PBX2: variants seen among roughly 807,000 people sequenced by gnomAD.
PBX2 encodes PBX homeobox 2, also known as pre-B-cell leukemia transcription factor 2.
In PBX2, 10 loss-of-function variants were observed where a neutral mutation model predicts 46.5. That is an observed-to-expected ratio of 0.21 (90% CI 0.13 to 0.36). The LOEUF is 0.36. PBX2 is among the 10% of genes least tolerant of loss of function. PBX2 has a pLI of 1.00. For synonymous variants in PBX2, 160 were observed against 222.5 expected (o/e 0.72, Z 2.50); for missense variants, 392 against 580.5 (o/e 0.68, Z 3.34).
rs371557584 is a variant in PBX2 at position 32,187,472 on chromosome 6, ATT to A, written c.871-79_871-78del. The A allele has an allele frequency of 0.012, 15,496 of 1,288,742 alleles. No individual in the cohort carries two copies. Among genetic ancestry groups the A allele is most frequent in the South Asian group, 0.014 (965 of 68,406 alleles). The allele number at this position is 1,288,742 out of a possible 1,614,324, so 79.8% of individuals were successfully genotyped here. ...CACTGAATAAGATGTGAGTGACAGC[ATT>A]TTTTTTTTTTTTGCTTCCTGGTCTC... On this transcript the variant is annotated intron_variant, in intron 5 of 8. Coordinates refer to ENST00000375050, the MANE Select transcript of PBX2 (RefSeq NM_002586.5). The surrounding 1 kb of genome is among the most constrained non-coding windows in gnomAD (Gnocchi z 7.7).
Position 32,188,295 on chromosome 6 carries a change from G to C in PBX2, c.505C>G (p.Arg169Gly). Residue 169 changes from arginine (R) to glycine (G), a missense_variant, in exon 3 of 9, where the codon CGT becomes GGT. By Grantham distance (125) the Arg-to-Gly change is moderately radical. Around this residue, in one of 3 missense-constraint regions of PBX2, gnomAD observed 196 missense variants for 246.9 expected, o/e 0.79. Coordinates refer to ENST00000375050, the MANE Select transcript of PBX2 (RefSeq NM_002586.5). The surrounding 1 kb of genome is among the most constrained non-coding windows in gnomAD (Gnocchi z 6.5). ...TCCAGCTCCGAGTGGTATATGTGACGGATCTGGGCAAGTTTGCTGCGATAG... is the reference window on the plus strand; with the variant it reads ...TCCAGCTCCGAGTGGTATATGTGACCGATCTGGGCAAGTTTGCTGCGATAG... ...SDYRSKLAQI[R>G]HIYHSELEKY... is the part of the protein sequence containing the mutation. 6.2e-7 allele frequency: 1 copy of C among 1,613,994 alleles called. No individual in the cohort carries two copies. The highest frequency in any genetic ancestry group is 1.1e-5 in the South Asian group (1 of 91,076).
Position 32,188,932 on chromosome 6 carries a change from G to A in PBX2, c.222-136C>T. The A allele has an allele frequency of 1.4e-6, 1 of 708,562 alleles. No homozygotes were observed. 43.9% of individuals were successfully genotyped at this position (708,562 alleles called of 1,614,324 possible). A position where few individuals can be genotyped will look rare whatever the true frequency, so the allele number is the denominator to read the frequency against. Reference sequence around the variant, plus strand: ...ATTGGGGGTGGAATGAGTTGGGGGTGGAATGAGGAGTTCTTGGGAAAAGAT... The same window carrying A: ...ATTGGGGGTGGAATGAGTTGGGGGTAGAATGAGGAGTTCTTGGGAAAAGAT... On this transcript the variant is annotated intron_variant, in intron 1 of 8. Coordinates refer to ENST00000375050, the MANE Select transcript of PBX2 (RefSeq NM_002586.5). The surrounding 1 kb of genome is among the most constrained non-coding windows in gnomAD (Gnocchi z 6.5).
At position 32,189,668 on chromosome 6, in the gene PBX2, G is replaced by GTGTTTGC; in HGVS notation, c.221+26_221+27insGCAAACA. The GTGTTTGC allele has an allele frequency of 6.4e-7, 1 of 1,560,170 alleles. No individual in the cohort carries two copies. Among genetic ancestry groups the GTGTTTGC allele is most frequent in the Non-Finnish European group, 8.8e-7 (1 of 1,135,512 alleles). On this transcript the variant is annotated intron_variant, in intron 1 of 8. Coordinates refer to ENST00000375050, the MANE Select transcript of PBX2 (RefSeq NM_002586.5). The surrounding 1 kb of genome is among the most constrained non-coding windows in gnomAD (Gnocchi z 4.7). ...TGTGAACGGGGTTTGCTGGGTCTGTGTGGGGTCCCGGAGTGGGGGCACTCA... is the reference window on the plus strand; with the variant it reads ...TGTGAACGGGGTTTGCTGGGTCTGTGTGTTTGCTGGGGTCCCGGAGTGGGGGCACTCA...
Position 32,186,599 on chromosome 6 carries a change from C to T in PBX2, c.1200+5G>A. 6.2e-7 allele frequency: 1 copy of T among 1,606,988 alleles called. No homozygotes were observed. Among genetic ancestry groups the T allele is most frequent in the East Asian group, 2.2e-5 (1 of 44,860 alleles). On this transcript the variant is annotated splice_donor_5th_base_variant and intron_variant, in intron 8 of 8. Transcript: ENST00000375050. The surrounding 1 kb of genome is among the most constrained non-coding windows in gnomAD (Gnocchi z 4.2). ...GGACAGAGAGGAGCTTCAGGATCCA[C>T]TCACCCTCATTTCCCGTGGGCTGTA...
In PBX2 at chr6:32,189,792, C is replaced by G; in HGVS notation, c.124G>C (p.Gly42Arg). Residue 42 changes from glycine (G) to arginine (R), a missense_variant, in exon 1 of 9, where the codon GGG (glycine) becomes CGG (arginine). By Grantham distance (125) the Gly-to-Arg change is moderately radical (BLOSUM62 -2). Around this residue, in one of 3 missense-constraint regions of PBX2, gnomAD observed 196 missense variants for 246.9 expected, o/e 0.79. Coordinates refer to ENST00000375050, the MANE Select transcript of PBX2 (RefSeq NM_002586.5). This position sits in a 1 kb window ranked among gnomAD's most constrained non-coding sequence, Gnocchi z 4.7. ...PGGGDPGGGS[G>R]GVPGGRGKQD... The stretch of plus-strand genomic sequence containing the variant: ...TTCCCTCGGCCTCCCGGGACCCCCC[C>G]GCTACCCCCACCGGGGTCTCCGCCA... 3 of 1,601,608 alleles carry G rather than the reference C, an allele frequency of 1.9e-6. No individual in the cohort carries two copies. Among genetic ancestry groups the G allele is most frequent in the Non-Finnish European group, 1.7e-6 (2 of 1,174,308 alleles).
chr6:32,187,406 G>A lies in PBX2; in HGVS notation c.871-11C>T, dbSNP rs116295847. On this transcript the variant is annotated splice_polypyrimidine_tract_variant and intron_variant, in intron 5 of 8. Transcript: ENST00000375050. This position sits in a 1 kb window ranked among gnomAD's most constrained non-coding sequence, Gnocchi z 7.7. ...AAACCAGTTGGAGACCTGTGGGGCA[G>A]AAAGGAGGGTCAGGTAGAAACATTT... The A allele has an allele frequency of 9.9e-6, 16 of 1,612,192 alleles. No individual in the cohort carries two copies. In the Admixed American group the frequency reaches 1.8e-4, roughly 18 times the overall value.
Position 32,185,598 on chromosome 6 carries a change from T to G in PBX2, c.*784A>C, listed in dbSNP as rs1387089143. 6.9e-6 allele frequency: 1 copy of G among 144,032 alleles called. No homozygotes were observed. The highest frequency in any genetic ancestry group is 2.6e-5 in the African/African-American group (1 of 38,362). The allele number at this position is 144,032 out of a possible 1,614,324, so 8.9% of individuals were successfully genotyped here. On this transcript the variant is annotated 3_prime_UTR_variant, in exon 9 of 9. Transcript: ENST00000375050. ...AACAAGCTACTTCCCCAAACTAAAT[T>G]AAAAATTAAGAACCACCACCACCAC...
chr6:32,187,528 A>G lies in PBX2; in HGVS notation c.870+119T>C. The stretch of plus-strand genomic sequence containing the variant: ...ATGCTGTTGCCCAGGCTGGTCTCCA[A>G]TTCAAGTGATCCTCCCACTTCAGCC... On this transcript the variant is annotated intron_variant, in intron 5 of 8. Transcript: ENST00000375050. The surrounding 1 kb of genome is among the most constrained non-coding windows in gnomAD (Gnocchi z 7.7). 1 of 1,505,558 alleles carries G rather than the reference A, an allele frequency of 6.6e-7. No individual in the cohort carries two copies. Among genetic ancestry groups the G allele is most frequent in the Non-Finnish European group, 9.0e-7 (1 of 1,111,446 alleles). The allele number at this position is 1,505,558 out of a possible 1,614,324, so 93.3% of individuals were successfully genotyped here.
rs1215997681 is a variant in PBX2 at position 32,188,360 on chromosome 6, C to T, written c.440G>A (p.Gly147Asp). ...GGAGTTGTCAGGGGACACACCACCA[C>T]CAGAGGCTGCAGCGGCTGCAGCTGC... ...AAAAAAAAAS[G>D]GGVSPDNSIE... Residue 147 changes from glycine (G) to aspartate (D), a missense_variant, in exon 3 of 9, where the codon GGT (glycine) becomes GAT (aspartate). Coordinates refer to ENST00000375050, the MANE Select transcript of PBX2 (RefSeq NM_002586.5). This position sits in a 1 kb window ranked among gnomAD's most constrained non-coding sequence, Gnocchi z 6.5. The T allele has an allele frequency of 1.9e-6, 3 of 1,614,058 alleles. No homozygotes were observed. Among genetic ancestry groups the T allele is most frequent in the Non-Finnish European group, 2.5e-6 (3 of 1,180,050 alleles).
Position 32,187,406 on chromosome 6 carries a change from G to T in PBX2, c.871-11C>A, listed in dbSNP as rs116295847. 7.3e-3 allele frequency: 11,699 copies of T among 1,612,154 alleles called. 62 individuals are homozygous for T. The highest frequency in any genetic ancestry group is 9.1e-3 in the Non-Finnish European group (10,699 of 1,179,260). ...AAACCAGTTGGAGACCTGTGGGGCA[G>T]AAAGGAGGGTCAGGTAGAAACATTT... On this transcript the variant is annotated splice_polypyrimidine_tract_variant and intron_variant, in intron 5 of 8. Transcript: ENST00000375050. The surrounding 1 kb of genome is among the most constrained non-coding windows in gnomAD (Gnocchi z 7.7).
chr6:32,186,832 T>C lies in PBX2; in HGVS notation c.1094A>G (p.Asp365Gly). ...TCTGACCTGGGAAGCAGAATAGGAA[T>C]CTCCGTTGAGCCCAGGCATCCCCAG... ...MFLGMPGLNG[D>G]SYSASQVESL... Residue 365 changes from aspartate to glycine, a missense_variant, in exon 7 of 9, where the codon GAT becomes GGT. Asp to Gly is a moderately conservative substitution (Grantham distance 94). Transcript: ENST00000375050. The surrounding 1 kb of genome is among the most constrained non-coding windows in gnomAD (Gnocchi z 4.2). 6.2e-7 allele frequency: 1 copy of C among 1,614,062 alleles called. No homozygotes were observed. Among genetic ancestry groups the C allele is most frequent in the Non-Finnish European group, 8.5e-7 (1 of 1,179,984 alleles).
Position 32,188,364 on chromosome 6 carries a change from AGGCTGCAGC to A in PBX2, c.427_435del (p.Ala143_Ala145del), listed in dbSNP as rs751916450. The A allele has an allele frequency of 8.1e-6, 13 of 1,614,072 alleles. No individual in the cohort carries two copies. The South Asian group carries it at 8.8e-5, about 11-fold the overall frequency. ...TTGTCAGGGGACACACCACCACCAG[AGGCTGCAGC>A]GGCTGCAGCTGCTGCTGCTGAGCCG... On this transcript the variant is annotated inframe_deletion, in exon 3 of 9. Transcript: ENST00000375050. This position sits in a 1 kb window ranked among gnomAD's most constrained non-coding sequence, Gnocchi z 6.5.
In PBX2 at chr6:32,189,616, G is replaced by GC; in HGVS notation, c.221+78_221+79insG. The GC allele has an allele frequency of 9.2e-7, 1 of 1,090,782 alleles. No individual in the cohort carries two copies. The highest frequency in any genetic ancestry group is 1.3e-5 in the South Asian group (1 of 74,084). The allele number at this position is 1,090,782 out of a possible 1,614,324, so 67.6% of individuals were successfully genotyped here. A position where few individuals can be genotyped will look rare whatever the true frequency, so the allele number is the denominator to read the frequency against. On this transcript the variant is annotated intron_variant, in intron 1 of 8. Transcript: ENST00000375050. This position sits in a 1 kb window ranked among gnomAD's most constrained non-coding sequence, Gnocchi z 4.7. The stretch of plus-strand genomic sequence containing the variant: ...GATCCTGGAGAGGGCCCTGGAGTTG[G>GC]GGGGGGCTCCCAGAAGATTCAGAAC...
rs1175129300 is a variant in PBX2, at chr6:32,185,543, A to G, written c.*839T>C. 6.8e-6 allele frequency: 1 copy of G among 147,072 alleles called. No homozygotes were observed. Among genetic ancestry groups the G allele is most frequent in the Non-Finnish European group, 1.5e-5 (1 of 66,560 alleles). 9.1% of individuals were successfully genotyped at this position (147,072 alleles called of 1,614,324 possible). ...AAGTAAGAAATAAAAAAAAAAAAAG[A>G]CAAGAAATCAACATATTTATAAAAA... On this transcript the variant is annotated 3_prime_UTR_variant, in exon 9 of 9. Coordinates refer to ENST00000375050, the MANE Select transcript of PBX2 (RefSeq NM_002586.5).
rs575971693 is a variant in PBX2, at chr6:32,188,646, C to G, written c.295+77G>C. ...TGACTCCTTACTTTCCTCAGGGCCC[C>G]AAGTTGTCACACTCTAGCCCTATAA... On this transcript the variant is annotated intron_variant, in intron 2 of 8. Coordinates refer to ENST00000375050, the MANE Select transcript of PBX2 (RefSeq NM_002586.5). The surrounding 1 kb of genome is among the most constrained non-coding windows in gnomAD (Gnocchi z 6.5). The G allele has an allele frequency of 5.4e-5, 86 of 1,578,626 alleles. 1 individual carries two copies. The South Asian group carries it at 9.0e-4, about 17-fold the overall frequency.
chr6:32,186,287 T>G lies in PBX2; in HGVS notation c.*95A>C. ...ACCCCATTGGCCCTTCTCTGTCTTG[T>G]GCTTCTCCTGTATTGGGGTTTGTCC... On this transcript the variant is annotated 3_prime_UTR_variant, in exon 9 of 9. Coordinates refer to ENST00000375050, the MANE Select transcript of PBX2 (RefSeq NM_002586.5). This position sits in a 1 kb window ranked among gnomAD's most constrained non-coding sequence, Gnocchi z 4.2. 1 of 809,300 alleles carries G rather than the reference T, an allele frequency of 1.2e-6. No homozygotes were observed. The highest frequency in any genetic ancestry group is 2.1e-5 in the Admixed American group (1 of 47,388). The allele number at this position is 809,300 out of a possible 1,614,324, so 50.1% of individuals were successfully genotyped here.
Position 32,189,699 on chromosome 6 carries a change from C to T in PBX2, c.217G>A (p.Ala73Thr), listed in dbSNP as rs1400207484. ...TCCCGGAGTGGGGGCACTCACTTGG[C>T]CTGGGCCTCGTCCAGGCTCTGGTCG... ...ITDQSLDEAQ[A>T]KKHALNCHRM... Residue 73 changes from alanine (A) to threonine (T), a missense_variant, in exon 1 of 9, where the codon GCC (alanine) becomes ACC (threonine). Physicochemically the swap from Ala to Thr is moderately conservative, Grantham distance 58. Coordinates refer to ENST00000375050, the MANE Select transcript of PBX2 (RefSeq NM_002586.5). The surrounding 1 kb of genome is among the most constrained non-coding windows in gnomAD (Gnocchi z 4.7). 1 of 1,607,332 alleles carries T rather than the reference C, an allele frequency of 6.2e-7. No individual in the cohort carries two copies. The highest frequency in any genetic ancestry group is 1.7e-5 in the Admixed American group (1 of 59,802).
At position 32,187,126 on chromosome 6, in the gene PBX2, C is replaced by G; in HGVS notation, c.1024+116G>C. ...CCCTGACATCTCCAGCCTATCTCAG[C>G]TCGGTCCCTCTCACCCCAAAAGGCC... On this transcript the variant is annotated intron_variant, in intron 6 of 8. Transcript: ENST00000375050. This position sits in a 1 kb window ranked among gnomAD's most constrained non-coding sequence, Gnocchi z 7.7. 1 of 1,314,266 alleles carries G rather than the reference C, an allele frequency of 7.6e-7. No homozygotes were observed. The highest frequency in any genetic ancestry group is 2.1e-5 in the Admixed American group (1 of 48,466). 81.4% of individuals were successfully genotyped at this position (1,314,266 alleles called of 1,614,324 possible).
Position 32,188,221 on chromosome 6 carries a change from C to G in PBX2, c.543+36G>C, listed in dbSNP as rs375737946. On this transcript the variant is annotated intron_variant, in intron 3 of 8. Transcript: ENST00000375050. The surrounding 1 kb of genome is among the most constrained non-coding windows in gnomAD (Gnocchi z 6.5). ...TGACCATGGGATTCCCCTGCAAGAG[C>G]CCTTCCCTCCACCCACCCAAGCCTC... 9.6e-5 allele frequency: 154 copies of G among 1,607,516 alleles called. No individual in the cohort carries two copies. The highest frequency in any genetic ancestry group is 1.3e-4 in the Non-Finnish European group (147 of 1,175,676).
Sources: gnomAD v4.1 joint callset for allele counts on GRCh38, gnomAD v4.1.1 for gene constraint, gnomAD v4.1.1 regional missense constraint, Gnocchi (gnomAD v3.1) non-coding constraint, MANE v1.5 for transcripts, NCBI Gene and HGNC (gene_info 2026-07-23, HGNC 2026-07-21) for gene names.